KCTD16: variants seen among roughly 807,000 people sequenced by gnomAD.
The protein encoded by KCTD16 is potassium channel tetramerization domain containing 16.
Under a neutral mutation model 33.2 loss-of-function variants are expected in KCTD16, and 13 were observed. The ratio of observed to expected loss-of-function variants is 0.39; its 90% CI spans 0.25 to 0.62. KCTD16 has a LOEUF of 0.62. Among genes scored for constraint, KCTD16 ranks in the 20% least tolerant of loss-of-function variants. The pLI is 0.50. For missense variants in KCTD16, 441 were observed against 525.1 expected (o/e 0.84, Z 1.57); for synonymous variants, 197 against 195.3 (o/e 1.01, Z -0.07).
intron 3 of KCTD16, among the ~76,000 whole-genome samples, chr5:144,413,252 G>A (rs891308305): frequency 1.3e-5 from 2 of 152,168 alleles, no homozygotes; most frequent in African/African-American, 4.8e-5. Context: ...ACTCAGGCAT[G>A]CACAGAGGAA....
chr5:144,450,557 C>T (rs1753918261), intron 3 of KCTD16, among the ~76,000 whole-genome samples: 1 of 151,964 alleles, frequency 6.6e-6, no homozygotes. Flanking sequence ...AAATGCCCAT[C>T]AACAGATTAA....
chr5:144,268,166 C>T (rs1387494571), intron 3 of KCTD16, among the ~76,000 whole-genome samples: 1 of 152,144 alleles, frequency 6.6e-6, no homozygotes, highest in Non-Finnish European at 1.5e-5. Flanking sequence ...GGCAGCTGTG[C>T]AGGTGTTACT....
intron 3 of KCTD16, among the ~76,000 whole-genome samples, chr5:144,446,964 G>A (rs555080365): frequency 6.6e-6 from 1 of 152,172 alleles, no homozygotes; most frequent in African/African-American, 2.4e-5. Context: ...TGGTGGGAGT[G>A]TAAATTAGTT....
At chr5:144,285,329 A>G (rs556204640) in intron 3 of KCTD16, among the ~76,000 whole-genome samples, 2 of 152,366 alleles carry the variant, frequency 1.3e-5, no homozygotes, top group East Asian at 1.9e-4. Context: ...AGTATGCCAT[A>G]TAGAGTAGTT....
At chr5:144,345,532 T>G (rs192871363) in intron 3 of KCTD16, among the ~76,000 whole-genome samples, 12 of 152,084 alleles carry the variant, frequency 7.9e-5, no homozygotes, top group Admixed American at 7.9e-4. Context: ...ATGTAAACCT[T>G]TTGGGTTTTT....
chr5:144,259,759 C>G (rs1359331629), intron 3 of KCTD16, among the ~76,000 whole-genome samples: 1 of 152,184 alleles, frequency 6.6e-6, no homozygotes, highest in Non-Finnish European at 1.5e-5. Context: ...CCGTCAGGCT[C>G]TTTCTTTGAC....
intron 3 of KCTD16, among the ~76,000 whole-genome samples, chr5:144,309,049 A>G (rs1056850027): frequency 6.6e-6 from 1 of 152,150 alleles, no homozygotes; most frequent in Non-Finnish European, 1.5e-5. Context: ...AACACAAGCT[A>G]ATTGGATCCT....
intron 3 of KCTD16, among the ~76,000 whole-genome samples, chr5:144,326,554 A>C (rs1380594069): frequency 6.6e-6 from 1 of 152,172 alleles, no homozygotes; most frequent in African/African-American, 2.4e-5. Flanking sequence ...CATATAAAAC[A>C]AATTGGACCT....
chr5:144,456,067 T>A (rs558321792), intron 3 of KCTD16, among the ~76,000 whole-genome samples: 1 of 152,254 alleles, frequency 6.6e-6, no homozygotes, highest in African/African-American at 2.4e-5. Flanking sequence ...TATAAATATC[T>A]GATTCACACA....
At chr5:144,213,265 T>TA (rs1218623538) in intron 3 of KCTD16, among the ~76,000 whole-genome samples, 2 of 152,074 alleles carry the variant, frequency 1.3e-5, no homozygotes, top group Admixed American at 6.6e-5. Context: ...GCATATAACT[T>TA]ATATGCAACA....
At chr5:144,179,352 C>T (rs902573689) in intron 2 of KCTD16, among the ~76,000 whole-genome samples, 1 of 152,178 alleles carries the variant, frequency 6.6e-6, no homozygotes, top group African/African-American at 2.4e-5. Context: ...AATTACATCC[C>T]CCTCCCCCCA....
intron 2 of KCTD16, among the ~76,000 whole-genome samples, chr5:144,176,545 G>A (rs1752511687): frequency 6.6e-6 from 1 of 151,216 alleles, no homozygotes; most frequent in Admixed American, 6.6e-5. Context: ...TGGGACTACA[G>A]GCGCCCGCCA....
At chr5:144,226,577 T>TAA (rs112069746) in intron 3 of KCTD16, among the ~76,000 whole-genome samples, 9,683 of 151,826 alleles carry the variant, frequency 0.064, 942 homozygotes, top group African/African-American at 0.21. Flanking sequence ...AAAAAAAATA[T>TAA]GTCTTTTTTT....
At chr5:144,463,209 G>C in intron 3 of KCTD16, among the ~76,000 whole-genome samples, 1 of 152,150 alleles carries the variant, frequency 6.6e-6, no homozygotes, top group East Asian at 1.9e-4. Context: ...AGCCCATGAT[G>C]AGGGTACAAA....
At chr5:144,415,147 C>T (rs138034703) in intron 3 of KCTD16, among the ~76,000 whole-genome samples, 4 of 152,074 alleles carry the variant, frequency 2.6e-5, no homozygotes, top group East Asian at 1.9e-4. Context: ...GGTGAGAGAG[C>T]GGAAACAAGA....
intron 3 of KCTD16, among the ~76,000 whole-genome samples, chr5:144,464,740 C>T (rs1018134178): frequency 4.7e-5 from 7 of 148,862 alleles, no homozygotes; most frequent in African/African-American, 1.5e-4. Context: ...TCCTCTTTCT[C>T]CTCTTCCTCT....
intron 3 of KCTD16, among the ~76,000 whole-genome samples, chr5:144,462,921 C>A (rs1453025153): frequency 6.6e-6 from 1 of 152,168 alleles, no homozygotes; most frequent in Middle Eastern, 3.2e-3. Flanking sequence ...CAGAGGGAAT[C>A]AAGCAATCTT....
At chr5:144,187,726 A>G (rs1561522822) in intron 2 of KCTD16, among the ~76,000 whole-genome samples, 1 of 152,190 alleles carries the variant, frequency 6.6e-6, no homozygotes, top group Non-Finnish European at 1.5e-5. Flanking sequence ...CTTGCTGTTA[A>G]TCAAATATTC....
intron 3 of KCTD16, among the ~76,000 whole-genome samples, chr5:144,408,891 C>G (rs1192677798): frequency 2.0e-5 from 3 of 152,150 alleles, no homozygotes; most frequent in Non-Finnish European, 4.4e-5. Context: ...ACTTTCTTAA[C>G]TTCAGGTCAA....
Sources: gnomAD v4.1 joint callset for allele counts (sites outside exome capture counted in the v4.1 genomes callset) on GRCh38, gnomAD v4.1.1 for gene constraint, MANE v1.5 for transcripts, NCBI Gene and HGNC (gene_info 2026-07-23, HGNC 2026-07-21) for gene names.